GAR1: variants seen among roughly 807,000 people sequenced by gnomAD.
The protein encoded by GAR1 is H/ACA ribonucleoprotein complex subunit 1.
In GAR1, 11 loss-of-function variants were observed where a neutral mutation model predicts 29.3. The ratio of observed to expected loss-of-function variants is 0.38; its 90% CI spans 0.24 to 0.62. GAR1 has a LOEUF of 0.62. Among genes scored for constraint, GAR1 ranks in the 20% least tolerant of loss-of-function variants. The probability of loss-of-function intolerance (pLI) is 0.62; values close to 1 mark genes in which losing one functional copy is unlikely to be tolerated. For synonymous variants in GAR1, 87 were observed against 93.3 expected (o/e 0.93, Z 0.39); for missense variants, 237 against 268.4 (o/e 0.88, Z 0.82).
At chr4:109,821,065 C>G (rs1276933189) in intron 4 of GAR1, among the ~76,000 whole-genome samples, 2 of 152,148 alleles carry the variant, frequency 1.3e-5, no homozygotes, top group Non-Finnish European at 2.9e-5. Flanking sequence ...TTCTACCTCT[C>G]CCGGTTTCCA....
intron 2 of GAR1, 90 bp downstream of exon 2, chr4:109,816,468 C>G: frequency 8.3e-7 from 1 of 1,209,780 alleles, no homozygotes; most frequent in Non-Finnish European, 1.2e-6. Flanking sequence ...GATACACAAG[C>G]CTGTGTGGAG....
chr4:109,818,451 T>C (rs1361298545), intron 3 of GAR1, among the ~76,000 whole-genome samples: 1 of 151,840 alleles, frequency 6.6e-6, no homozygotes, highest in Non-Finnish European at 1.5e-5. Context: ...CTCTCTCTTT[T>C]TCTCTTTCTC....
chr4:109,818,958 C>G (rs1211129684), intron 3 of GAR1, 43 bp from the exon 4 acceptor site: 3 of 814,036 alleles, frequency 3.7e-6, no homozygotes, highest in African/African-American at 3.4e-5. Flanking sequence ...TTGATATCAT[C>G]TTTCATCTTA....
intron 5 of GAR1, 66 bp from the exon 6 acceptor site, chr4:109,823,894 ATAACT>A (rs1478614812): frequency 8.2e-6 from 8 of 979,214 alleles, no homozygotes; most frequent in South Asian, 1.4e-5. Flanking sequence ...TATACAGTTA[ATAACT>A]TAATGATTAT....
intron 6 of GAR1, 66 bp from the exon 7 acceptor site, chr4:109,824,352 T>G: frequency 9.3e-7 from 1 of 1,078,560 alleles, no homozygotes; most frequent in Non-Finnish European, 1.4e-6. Context: ...AACTTGAGAT[T>G]TAGGTTATAA....
Position 109,819,185 on chromosome 4 carries a change from T to C in GAR1, c.429+125T>C, listed in dbSNP as rs765059278. On this transcript the variant is annotated intron_variant, in intron 4 of 6. Coordinates refer to ENST00000226796, the MANE Select transcript of GAR1 (RefSeq NM_018983.4). ...CACTAGTAAAGCTCTTAAATTGAAA[T>C]GTTCCATGCTATAAATATTGAACAC... 32 of 736,432 alleles carry C rather than the reference T, an allele frequency of 4.3e-5. 2 individuals are homozygous for C. The South Asian group carries it at 4.7e-4, about 11-fold the overall frequency. 45.6% of individuals were successfully genotyped at this position (736,432 alleles called of 1,614,324 possible). A position where few individuals can be genotyped will look rare whatever the true frequency, so the allele number is the denominator to read the frequency against.
chr4:109,824,267 AAG>A (rs1377650044), intron 6 of GAR1, 149 bp from the exon 7 acceptor site: 30 of 621,098 alleles, frequency 4.8e-5, no homozygotes, highest in Non-Finnish European at 8.6e-5. Context: ...TTGAAAAATA[AAG>A]GTGTAATATG....
chr4:109,818,245 AT>A lies in GAR1; in HGVS notation c.369+157del, dbSNP rs543501463. ...TGAAGGAGAATCAAGGGGAGAATGT[AT>A]TCATCCATAGATATTAAAATGACAG... is the stretch of plus-strand genomic sequence containing the variant. On this transcript the variant is annotated intron_variant, in intron 3 of 6. Coordinates refer to ENST00000226796, the MANE Select transcript of GAR1 (RefSeq NM_018983.4). Among the ~76,000 whole-genome samples, 436 of 152,338 alleles carry A rather than the reference AT, an allele frequency of 2.9e-3. 2 individuals are homozygous for A. Among genetic ancestry groups the A allele is most frequent in the African/African-American group, 0.01 (423 of 41,582 alleles).
chr4:109,816,815 A>G (rs1183887478), intron 2 of GAR1, among the ~76,000 whole-genome samples: 1 of 152,238 alleles, frequency 6.6e-6, no homozygotes, highest in East Asian at 1.9e-4. Context: ...ATAATAAAGC[A>G]GGAGACCCTG....
intron 4 of GAR1, among the ~76,000 whole-genome samples, chr4:109,820,061 A>G (rs1360431443): frequency 1.3e-5 from 2 of 152,218 alleles, no homozygotes; most frequent in Non-Finnish European, 2.9e-5. Flanking sequence ...GCACCTTGGG[A>G]AGCGGTCAAT....
Position 109,822,300 on chromosome 4 carries a change from A to G in GAR1, c.430-47A>G, listed in dbSNP as rs749823543. The G allele has an allele frequency of 2.2e-5, 25 of 1,160,682 alleles. No homozygotes were observed. The South Asian group carries it at 3.2e-4, about 15-fold the overall frequency. 71.9% of individuals were successfully genotyped at this position (1,160,682 alleles called of 1,614,324 possible). On this transcript the variant is annotated intron_variant, in intron 4 of 6. Transcript: ENST00000226796. ...CATGTAGCTTCTTAATGATTATATTATACTGTCCCCCAAGTTGTATACTAA... is the reference window on the plus strand; with the variant it reads ...CATGTAGCTTCTTAATGATTATATTGTACTGTCCCCCAAGTTGTATACTAA...
chr4:109,824,180 AT>A, intron 6 of GAR1, 147 bp downstream of exon 6: 1 of 638,280 alleles, frequency 1.6e-6, no homozygotes, highest in Non-Finnish European at 2.7e-6. Context: ...TTGTGGTTTC[AT>A]TTTATATCAC....
At chr4:109,818,443 C>CTTTT (rs1297996760) in intron 3 of GAR1, among the ~76,000 whole-genome samples, 1 of 151,978 alleles carries the variant, frequency 6.6e-6, no homozygotes, top group Non-Finnish European at 1.5e-5. Context: ...CTTTCTCTCT[C>CTTTT]TCTCTTTTTC....
chr4:109,823,223 A>G (rs538555857), intron 5 of GAR1, among the ~76,000 whole-genome samples: 13 of 152,330 alleles, frequency 8.5e-5, no homozygotes, highest in African/African-American at 3.1e-4. Flanking sequence ...GGGCAGAGCC[A>G]AAGTGGAAAG....
At chr4:109,824,286 A>G in intron 6 of GAR1, 132 bp from the exon 7 acceptor site, 1 of 659,486 alleles carries the variant, frequency 1.5e-6, no homozygotes, top group East Asian at 2.7e-5. Flanking sequence ...TATGAATGAC[A>G]GTTAAATTTG....
chr4:109,819,120 G>C, intron 4 of GAR1, 60 bp downstream of exon 4: 1 of 875,074 alleles, frequency 1.1e-6, no homozygotes, highest in Non-Finnish European at 2.0e-6. Context: ...CCTATCTTAG[G>C]AAAGTCCTAC....
intron 4 of GAR1, chr4:109,819,552 C>A: frequency 6.4e-6 from 1 of 155,816 alleles, no homozygotes; most frequent in African/African-American, 2.4e-5. Context: ...AAGCTGAGGC[C>A]TGATTGTTGA....
chr4:109,823,577 TG>T (rs1733575310), intron 5 of GAR1, among the ~76,000 whole-genome samples: 1 of 152,194 alleles, frequency 6.6e-6, no homozygotes, highest in African/African-American at 2.4e-5. Flanking sequence ...CACCCTTTGT[TG>T]TTAGGATAAA....
At chr4:109,818,525 T>A (rs919465927) in intron 3 of GAR1, among the ~76,000 whole-genome samples, 2 of 151,202 alleles carry the variant, frequency 1.3e-5, no homozygotes, top group African/African-American at 4.9e-5. Flanking sequence ...TTCCCTGCCT[T>A]CTTCCCTCCC....
Sources: allele counts gnomAD v4.1 joint callset (sites outside exome capture counted in the v4.1 genomes callset), GRCh38; gene constraint gnomAD v4.1.1; transcripts MANE v1.5; gene names NCBI Gene and HGNC (gene_info 2026-07-23, HGNC 2026-07-21).